The following CACNA1E variants were observed in gnomAD, a reference collection of about 807,000 sequenced individuals.
CACNA1E encodes calcium voltage-gated channel subunit alpha1 E.
In CACNA1E, 40 loss-of-function variants were observed where a neutral mutation model predicts 259.2. The ratio of observed to expected loss-of-function variants is 0.15; its 90% CI spans 0.12 to 0.20. The LOEUF (loss-of-function observed/expected upper bound fraction) is 0.20, where lower values mean the gene tolerates loss of function less well. Ranked by LOEUF, CACNA1E falls within the 10% of genes least tolerant of loss-of-function variation. The pLI is 1.00. For missense variants in CACNA1E, 1,874 were observed against 3,040.1 expected, an observed-to-expected ratio of 0.62 and a Z score of 9.02; for synonymous variants, 1,104 against 1,138.5, an observed-to-expected ratio of 0.97 and a Z score of 0.61.
At chr1:181,530,594 A>G (rs1667708910) in intron 3 of CACNA1E, among the ~76,000 whole-genome samples, 1 of 152,180 alleles carries the variant, frequency 6.6e-6, no homozygotes, top group Non-Finnish European at 1.5e-5. Flanking sequence ...TTGAATCTTA[A>G]TTTAAAATGA....
chr1:181,615,755 G>A (rs1262339676), intron 6 of CACNA1E, among the ~76,000 whole-genome samples: 1 of 131,708 alleles, frequency 7.6e-6, no homozygotes, highest in Non-Finnish European at 1.7e-5. Flanking sequence ...TTATTATACT[G>A]GCTAGGACCT....
At chr1:181,605,597 C>T (rs79521202) in intron 6 of CACNA1E, among the ~76,000 whole-genome samples, 4,457 of 152,256 alleles carry the variant, frequency 0.029, 100 homozygotes, top group Non-Finnish European at 0.048. Context: ...GTGTTCTTAG[C>T]AGGTCGGGAG....
intron 25 of CACNA1E, among the ~76,000 whole-genome samples, chr1:181,750,127 C>G (rs1459657436): frequency 7.2e-5 from 11 of 152,270 alleles, no homozygotes; most frequent in Non-Finnish European, 1.2e-4. Context: ...AACGCCTGCA[C>G]TTAGAAAACT....
chr1:181,318,428 T>G (rs1250135117), intron 1 of CACNA1E, among the ~76,000 whole-genome samples: 5 of 152,224 alleles, frequency 3.3e-5, no homozygotes, highest in Non-Finnish European at 2.9e-5. Context: ...GTTGCGCCCC[T>G]TGCCGCAGCG....
intron 1 of CACNA1E, among the ~76,000 whole-genome samples, chr1:181,375,030 A>T (rs1557952437): frequency 6.6e-6 from 1 of 152,230 alleles, no homozygotes; most frequent in Non-Finnish European, 1.5e-5. Context: ...AAGATGAATC[A>T]AAAAGTGGGT....
chr1:181,711,115 C>A, intron 8 of CACNA1E, 46 bp downstream of exon 8: 1 of 1,309,448 alleles, frequency 7.6e-7, no homozygotes, highest in Non-Finnish European at 1.1e-6. Context: ...GCTGCAGAGA[C>A]ATCAGGGCCG....
intron 1 of CACNA1E, among the ~76,000 whole-genome samples, chr1:181,335,506 G>A (rs555808221): frequency 1.3e-5 from 2 of 152,320 alleles, no homozygotes; most frequent in Admixed American, 1.3e-4. Flanking sequence ...TGAATCTGGG[G>A]AGTAGGATAC....
rs768993953 is a variant in CACNA1E at position 181,716,126 on chromosome 1, G to C, written c.1312G>C (p.Val438Leu). ...SDEHCVDISS[V>L]GTPLARASIK... The stretch of plus-strand genomic sequence containing the variant: ...TGAGCACTGTGTTGATATCTCCTCT[G>C]TGGGTGAGTGGATCCAGTTAGATCT... The change falls in exon 10 of 48, where the codon GTG becomes CTG. Residue 438 changes from valine to leucine, a missense_variant. This residue lies in a region of CACNA1E where 157 missense variants were observed against 203.5 expected (regional missense o/e 0.77). Coordinates refer to ENST00000367573, the MANE Select transcript of CACNA1E (RefSeq NM_001205293.3). 2.6e-6 allele frequency: 4 copies of C among 1,547,552 alleles called. No homozygotes were observed. Among genetic ancestry groups the C allele is most frequent in the Non-Finnish European group, 3.5e-6 (4 of 1,139,776 alleles).
chr1:181,343,004 CA>C (rs1652286457), intron 1 of CACNA1E, among the ~76,000 whole-genome samples: 1 of 151,972 alleles, frequency 6.6e-6, no homozygotes, highest in Non-Finnish European at 1.5e-5. Flanking sequence ...GCCAAAATCA[CA>C]GGACAGGGGG....
At chr1:181,764,001 GC>G (rs898427711) in intron 34 of CACNA1E, among the ~76,000 whole-genome samples, 4 of 152,180 alleles carry the variant, frequency 2.6e-5, no homozygotes, top group African/African-American at 9.7e-5. Flanking sequence ...TTCATACTTA[GC>G]CCCACCTTTG....
intron 1 of CACNA1E, among the ~76,000 whole-genome samples, chr1:181,366,387 T>C (rs917037887): frequency 3.9e-5 from 6 of 152,222 alleles, no homozygotes; most frequent in Non-Finnish European, 2.9e-5. Context: ...CGAGACCTAG[T>C]TGTCTCAAGG....
intron 7 of CACNA1E, among the ~76,000 whole-genome samples, chr1:181,658,532 C>T (rs185444579): frequency 6.6e-6 from 1 of 152,354 alleles, no homozygotes; most frequent in East Asian, 1.9e-4. Context: ...CTCTTATTAG[C>T]TGCCTATATC....
chr1:181,401,873 A>G (rs1295805119), intron 1 of CACNA1E, among the ~76,000 whole-genome samples: 1 of 152,170 alleles, frequency 6.6e-6, no homozygotes. Flanking sequence ...CCTGGCTGTT[A>G]AGTGGCCCAG....
chr1:181,733,394 G>A (rs773672217), intron 20 of CACNA1E, 43 bp from the exon 21 acceptor site: 14 of 1,457,932 alleles, frequency 9.6e-6, no homozygotes, highest in Middle Eastern at 1.8e-4. Flanking sequence ...GCCATTTGGG[G>A]ACAGCGTCTG....
At chr1:181,704,817 A>G (rs1652635332) in intron 7 of CACNA1E, among the ~76,000 whole-genome samples, 1 of 152,118 alleles carries the variant, frequency 6.6e-6, no homozygotes, top group Non-Finnish European at 1.5e-5. Context: ...AGAGGTCTGG[A>G]GCGAGAGGCT....
chr1:181,494,306 T>C (rs1664557140), intron 1 of CACNA1E, among the ~76,000 whole-genome samples: 1 of 151,660 alleles, frequency 6.6e-6, no homozygotes, highest in African/African-American at 2.4e-5. Flanking sequence ...AAAATACTTT[T>C]TAAAGTGGTG....
chr1:181,565,503 C>T (rs1649730176), intron 3 of CACNA1E, among the ~76,000 whole-genome samples: 1 of 152,178 alleles, frequency 6.6e-6, no homozygotes, highest in African/African-American at 2.4e-5. Flanking sequence ...TCAGCTGCTT[C>T]AGAAGAGATC....
chr1:181,413,777 C>T (rs1658058316), intron 2 of CACNA1E, among the ~76,000 whole-genome samples: 1 of 152,236 alleles, frequency 6.6e-6, no homozygotes, highest in African/African-American at 2.4e-5. Flanking sequence ...CGGCTGTAGG[C>T]CTCGTCCAGC....
chr1:181,330,588 C>A (rs1651185014), intron 1 of CACNA1E, among the ~76,000 whole-genome samples: 4 of 152,246 alleles, frequency 2.6e-5, no homozygotes, highest in Admixed American at 2.6e-4. Context: ...GGCCTGCTGG[C>A]ACCTGAGAAA....
Sources: gnomAD v4.1 joint callset for allele counts (sites outside exome capture counted in the v4.1 genomes callset) on GRCh38, gnomAD v4.1.1 for gene constraint, gnomAD v4.1.1 regional missense constraint, MANE v1.5 for transcripts, NCBI Gene and HGNC (gene_info 2026-07-23, HGNC 2026-07-21) for gene names.